Variants in SGCD observed in about 807,000 individuals in gnomAD.
SGCD encodes sarcoglycan delta, also known as delta-sarcoglycan.
SGCD carries 18 observed loss-of-function variants against 36.6 expected under a neutral mutation model. The observed-to-expected ratio is 0.49, with a 90% confidence interval of 0.34 to 0.73. SGCD has a LOEUF of 0.73. Ranked by LOEUF, SGCD falls within the 30% of genes least tolerant of loss-of-function variation. The pLI, the probability that SGCD is intolerant of heterozygous loss-of-function variation, is 0.01. For synonymous variants in SGCD, 133 were observed against 130.6 expected (o/e 1.02, Z -0.12); for missense variants, 387 against 346.7 (o/e 1.12, Z -0.92).
chr5:155,877,414 A>G (rs948866227), intron 1 of SGCD, among the ~76,000 whole-genome samples: 3 of 152,120 alleles, frequency 2.0e-5, no homozygotes, highest in Non-Finnish European at 2.9e-5. Context: ...TCTTGCAAAT[A>G]TGGACAATGT....
At chr5:156,335,533 A>C (rs1768303945) in intron 2 of SGCD, among the ~76,000 whole-genome samples, 1 of 152,126 alleles carries the variant, frequency 6.6e-6, no homozygotes, top group African/African-American at 2.4e-5. Context: ...TCCAAGTGCC[A>C]TCATAGTGTT....
chr5:156,307,555 G>GTTGTTTT (rs1188757705), intron 3 of SGCD, among the ~76,000 whole-genome samples: 14 of 41,148 alleles, frequency 3.4e-4, no homozygotes, highest in Non-Finnish European at 3.9e-4. Flanking sequence ...TTTAACTGTT[G>GTTGTTTT]TTTTTTTTTT....
intron 4 of SGCD, among the ~76,000 whole-genome samples, chr5:156,567,031 A>G (rs1759508336): frequency 6.6e-6 from 1 of 152,146 alleles, no homozygotes; most frequent in Non-Finnish European, 1.5e-5. Context: ...ATCTGTCTAT[A>G]TCCATTAAGT....
chr5:155,837,523 A>AG, the SGCD span, among the ~76,000 whole-genome samples: 1 of 152,174 alleles, frequency 6.6e-6, no homozygotes, highest in African/African-American at 2.4e-5. Flanking sequence ...ATTGCTTGCC[A>AG]GGGGCACCAT....
At chr5:156,267,876 G>T (rs925112123) in intron 3 of SGCD, among the ~76,000 whole-genome samples, 2 of 152,044 alleles carry the variant, frequency 1.3e-5, no homozygotes, top group African/African-American at 4.8e-5. Flanking sequence ...ACATATTCAG[G>T]TTTGTTATAT....
chr5:155,923,182 G>A (rs1308260254), intron 1 of SGCD, among the ~76,000 whole-genome samples: 1 of 150,788 alleles, frequency 6.6e-6, no homozygotes, highest in African/African-American at 2.4e-5. Flanking sequence ...TACAGGTTTT[G>A]AACTTCTAGC....
chr5:156,686,909 C>A (rs147978088), intron 7 of SGCD, among the ~76,000 whole-genome samples: 1 of 152,120 alleles, frequency 6.6e-6, no homozygotes, highest in Non-Finnish European at 1.5e-5. Context: ...ATTTAACAAC[C>A]GTGGCTGTGA....
At chr5:156,445,159 G>A (rs1753707548) in intron 3 of SGCD, among the ~76,000 whole-genome samples, 1 of 152,058 alleles carries the variant, frequency 6.6e-6, no homozygotes, top group Admixed American at 6.6e-5. Context: ...CTGGTTTCCA[G>A]CTCTTCTGTT....
intron 3 of SGCD, among the ~76,000 whole-genome samples, chr5:156,144,213 T>C (rs1232151353): frequency 6.6e-6 from 1 of 152,132 alleles, no homozygotes; most frequent in African/African-American, 2.4e-5. Context: ...TCCATGTGTC[T>C]TTATAGCAGC....
At chr5:156,401,665 A>G (rs1772154332) in intron 3 of SGCD, among the ~76,000 whole-genome samples, 1 of 152,204 alleles carries the variant, frequency 6.6e-6, no homozygotes, top group Non-Finnish European at 1.5e-5. Flanking sequence ...TACTGGGGAT[A>G]TGATAAGCAA....
chr5:156,479,136 A>G (rs886793847), intron 3 of SGCD, among the ~76,000 whole-genome samples: 4 of 152,076 alleles, frequency 2.6e-5, no homozygotes, highest in African/African-American at 9.7e-5. Flanking sequence ...TATGTCACCT[A>G]GGCTGGAGTG....
chr5:156,258,327 G>A (rs1227664863), intron 3 of SGCD, among the ~76,000 whole-genome samples: 1 of 152,116 alleles, frequency 6.6e-6, no homozygotes, highest in Non-Finnish European at 1.5e-5. Context: ...ATAACTCAGA[G>A]AACCAGTATT....
At chr5:155,893,424 C>T (rs1756180984) in intron 1 of SGCD, among the ~76,000 whole-genome samples, 2 of 152,156 alleles carry the variant, frequency 1.3e-5, no homozygotes, top group African/African-American at 4.8e-5. Context: ...AAACATTCAA[C>T]CTTCCAAATG....
chr5:156,492,302 G>A (rs920999187), intron 3 of SGCD, among the ~76,000 whole-genome samples: 3 of 152,084 alleles, frequency 2.0e-5, no homozygotes, highest in Admixed American at 6.6e-5. Context: ...GTGTGTGTAT[G>A]GATTTTTATC....
At chr5:156,076,530 G>T (rs1362952689) in intron 1 of SGCD, among the ~76,000 whole-genome samples, 1 of 152,062 alleles carries the variant, frequency 6.6e-6, no homozygotes, top group Non-Finnish European at 1.5e-5. Context: ...TTTTTCCTGA[G>T]GCAATGTCAA....
At position 156,762,214 on chromosome 5, in the gene SGCD, G is replaced by A; in HGVS notation, c.*2824G>A. The A allele has an allele frequency of 6.6e-6, 1 of 152,348 alleles. No individual in the cohort carries two copies. The highest frequency in any genetic ancestry group is 1.9e-4 in the East Asian group (1 of 5,184). The allele number at this position is 152,348 out of a possible 1,614,324, so 9.4% of individuals were successfully genotyped here. ...ATTTTCTAGACAATCGCACCTTTGGGTATATTAAACAGCTGGTATCATAAC... is the reference window on the plus strand; with the variant it reads ...ATTTTCTAGACAATCGCACCTTTGGATATATTAAACAGCTGGTATCATAAC... On this transcript the variant is annotated 3_prime_UTR_variant, in exon 9 of 9. Transcript: ENST00000337851.
At chr5:156,012,561 TTATCTC>T (rs1758881978) in intron 1 of SGCD, among the ~76,000 whole-genome samples, 1 of 152,182 alleles carries the variant, frequency 6.6e-6, no homozygotes, top group African/African-American at 2.4e-5. Context: ...ATCTATGTCT[TTATCTC>T]TAGAGTTATC....
At chr5:156,180,445 A>T (rs956989264) in intron 3 of SGCD, among the ~76,000 whole-genome samples, 1 of 152,242 alleles carries the variant, frequency 6.6e-6, no homozygotes, top group Non-Finnish European at 1.5e-5. Flanking sequence ...ATGATTGTGT[A>T]GATAAAAACA....
At chr5:156,690,997 A>T (rs157665) in intron 7 of SGCD, among the ~76,000 whole-genome samples, 1 of 151,958 alleles carries the variant, frequency 6.6e-6, no homozygotes, top group Non-Finnish European at 1.5e-5. Flanking sequence ...GCTTGAGGTC[A>T]GGAGTTCAAG....
Sources: gnomAD v4.1 joint callset for allele counts (sites outside exome capture counted in the v4.1 genomes callset) on GRCh38, gnomAD v4.1.1 for gene constraint, MANE v1.5 for transcripts, NCBI Gene and HGNC (gene_info 2026-07-23, HGNC 2026-07-21) for gene names.